The following SPAG1 variants were observed in gnomAD, a reference collection of about 807,000 sequenced individuals.
SPAG1 encodes sperm associated antigen 1.
SPAG1 carries 69 observed loss-of-function variants against 100.5 expected under a neutral mutation model. The observed-to-expected ratio is 0.69, with a 90% confidence interval of 0.57 to 0.84. The LOEUF (loss-of-function observed/expected upper bound fraction) is 0.84. SPAG1 is among the 40% of genes least tolerant of loss of function. SPAG1 has a pLI of 0.00. For synonymous variants in SPAG1, 336 were observed against 411.6 expected, an observed-to-expected ratio of 0.82 and a Z score of 2.22; for missense variants, 955 against 1,133.1, an observed-to-expected ratio of 0.84 and a Z score of 2.26.
At chr8:100,222,968 T>A (rs1818349875) in intron 13 of SPAG1, among the ~76,000 whole-genome samples, 1 of 152,236 alleles carries the variant, frequency 6.6e-6, no homozygotes, top group African/African-American at 2.4e-5. Flanking sequence ...ATCTGTGTTC[T>A]GTCTCTACGG....
At chr8:100,191,089 A>G (rs190619594) in intron 8 of SPAG1, among the ~76,000 whole-genome samples, 6 of 152,294 alleles carry the variant, frequency 3.9e-5, no homozygotes, top group African/African-American at 2.4e-5. Context: ...TTGCAATACA[A>G]TGTGTTGCCT....
chr8:100,240,864 G>GTTTTT, intron 18 of SPAG1, 27 bp from the exon 19 acceptor site: 3 of 1,388,400 alleles, frequency 2.2e-6, no homozygotes, highest in Non-Finnish European at 2.9e-6. Context: ...TTGGTTTTTT[G>GTTTTT]TTTTTTTTTT....
chr8:100,239,957 A>G lies in SPAG1; in HGVS notation c.2281-446A>G, dbSNP rs1819181111. Among the ~76,000 whole-genome samples, 1 of 152,230 alleles carries G rather than the reference A, an allele frequency of 6.6e-6. No homozygotes were observed. Among genetic ancestry groups the G allele is most frequent in the African/African-American group, 2.4e-5 (1 of 41,446 alleles). ...GAATCCCTGTACATTCATGAATGCT[A>G]ATACCCCATTTATAGTCTCACATTT... is the stretch of plus-strand genomic sequence containing the variant. On this transcript the variant is annotated intron_variant, in intron 17 of 18. Transcript: ENST00000388798. This position sits in a 1 kb window ranked among gnomAD's most constrained non-coding sequence, Gnocchi z 5.0.
intron 1 of SPAG1, among the ~76,000 whole-genome samples, chr8:100,160,650 G>A (rs1815266925): frequency 6.6e-6 from 1 of 151,606 alleles, no homozygotes; most frequent in African/African-American, 2.4e-5. Context: ...AAAAGGAGAG[G>A]TATGTACAGA....
intron 12 of SPAG1, among the ~76,000 whole-genome samples, chr8:100,216,760 C>G (rs973955790): frequency 6.6e-6 from 1 of 152,122 alleles, no homozygotes; most frequent in Admixed American, 6.6e-5. Context: ...GATTCTCAAT[C>G]TTGTTTTAAT....
chr8:100,194,311 T>C lies in SPAG1; in HGVS notation c.1096+43T>C, dbSNP rs1466202665. ...TTTAGGTTATGTAAAAAGCTGCCTT[T>C]TAATATGATGAGCTGGCTCAATTTT... On this transcript the variant is annotated intron_variant, in intron 10 of 18. Transcript: ENST00000388798. The C allele has an allele frequency of 1.9e-6, 3 of 1,583,900 alleles. No individual in the cohort carries two copies. The Admixed American group carries it at 5.3e-5, about 28-fold the overall frequency.
Position 100,213,356 on chromosome 8 carries a change from C to G in SPAG1, c.1363C>G (p.Leu455Val). Residue 455 changes from leucine to valine, a missense_variant, in exon 11 of 19, where the codon CTG becomes GTG. By Grantham distance (32) the Leu-to-Val change is conservative (BLOSUM62 1). Coordinates refer to ENST00000388798, the MANE Select transcript of SPAG1 (RefSeq NM_003114.5). ...PAGLKSQGNE[L>V]FRSGQFAEAA... is the part of the protein sequence containing the mutation. ...CGGCCTGAAGAGCCAGGGCAACGAG[C>G]TGTTCCGAAGCGGGCAGTTCGCCGA... 2.8e-6 allele frequency: 4 copies of G among 1,426,616 alleles called. No individual in the cohort carries two copies. In the East Asian group the frequency reaches 1.2e-4, roughly 43 times the overall value. The allele number at this position is 1,426,616 out of a possible 1,614,324, so 88.4% of individuals were successfully genotyped here.
At chr8:100,195,734 T>C (rs1170825931) in intron 10 of SPAG1, among the ~76,000 whole-genome samples, 3 of 152,208 alleles carry the variant, frequency 2.0e-5, no homozygotes, top group Non-Finnish European at 2.9e-5. Flanking sequence ...ACTATATTAC[T>C]TCCTATTATT....
At chr8:100,220,521 T>C in intron 13 of SPAG1, 90 bp downstream of exon 13, 1 of 1,055,474 alleles carries the variant, frequency 9.5e-7, no homozygotes, top group Non-Finnish European at 1.4e-6. Context: ...AATATAGATG[T>C]GTTATCAGTT....
At chr8:100,233,615 A>C in intron 16 of SPAG1, 78 bp downstream of exon 16, 1 of 1,395,716 alleles carries the variant, frequency 7.2e-7, no homozygotes, top group Non-Finnish European at 9.8e-7. Context: ...AAATCTCCAG[A>C]TCTTGGGATG....
chr8:100,212,826 G>A (rs1049453601), intron 10 of SPAG1, among the ~76,000 whole-genome samples: 1 of 152,212 alleles, frequency 6.6e-6, no homozygotes, highest in Non-Finnish European at 1.5e-5. Flanking sequence ...GCCCTTCAGC[G>A]CTTAAACAGT....
intron 10 of SPAG1, among the ~76,000 whole-genome samples, chr8:100,205,397 T>A (rs1469621984): frequency 1.3e-5 from 2 of 152,202 alleles, no homozygotes; most frequent in Non-Finnish European, 2.9e-5. Context: ...ATCATTGCGG[T>A]CCTCCAGGTA....
In SPAG1 at chr8:100,231,151, C is replaced by T; in HGVS notation, c.1856-5C>T. On this transcript the variant is annotated splice_region_variant and splice_polypyrimidine_tract_variant and intron_variant, in intron 14 of 18. Coordinates refer to ENST00000388798, the MANE Select transcript of SPAG1 (RefSeq NM_003114.5). ...CTTCCTCTTCTTTGTTTTTTTGTCC[C>T]ATAGATGAAAAAACATTTAAAGCCC... 1 of 1,592,234 alleles carries T rather than the reference C, an allele frequency of 6.3e-7. No homozygotes were observed. Among genetic ancestry groups the T allele is most frequent in the Non-Finnish European group, 8.5e-7 (1 of 1,170,940 alleles).
chr8:100,228,754 G>A (rs928987341), intron 14 of SPAG1, among the ~76,000 whole-genome samples: 25 of 151,852 alleles, frequency 1.6e-4, no homozygotes, highest in African/African-American at 6.1e-4. Flanking sequence ...TTATCTATCA[G>A]AAGATTTTAA....
chr8:100,192,446 G>A (rs773967037), intron 9 of SPAG1, among the ~76,000 whole-genome samples: 8 of 152,170 alleles, frequency 5.3e-5, no homozygotes, highest in Non-Finnish European at 4.4e-5. Context: ...TGCCCTCTCC[G>A]CTGCAGATGA....
At chr8:100,222,849 C>T (rs1450531223) in intron 13 of SPAG1, among the ~76,000 whole-genome samples, 1 of 152,176 alleles carries the variant, frequency 6.6e-6, no homozygotes, top group East Asian at 1.9e-4. Flanking sequence ...CTTGGGCAGT[C>T]ATCACTTCTT....
intron 8 of SPAG1, among the ~76,000 whole-genome samples, chr8:100,189,120 T>G (rs1381867497): frequency 6.7e-6 from 1 of 150,048 alleles, no homozygotes; most frequent in Non-Finnish European, 1.5e-5. Context: ...TCACCTGAGG[T>G]TAGGAGTTCG....
intron 8 of SPAG1, 45 bp downstream of exon 8, chr8:100,187,295 T>C (rs1000891716): frequency 2.7e-6 from 4 of 1,491,280 alleles, no homozygotes; most frequent in Admixed American, 4.0e-5. Context: ...GCAGGATCCA[T>C]TAATAAAGAC....
chr8:100,221,223 C>G (rs894812196), intron 13 of SPAG1, among the ~76,000 whole-genome samples: 1 of 152,186 alleles, frequency 6.6e-6, no homozygotes, highest in African/African-American at 2.4e-5. Flanking sequence ...AAACATATCT[C>G]TTGTTTCTCC....
Sources: allele counts gnomAD v4.1 joint callset (sites outside exome capture counted in the v4.1 genomes callset), GRCh38; gene constraint gnomAD v4.1.1; non-coding constraint Gnocchi (gnomAD v3.1); transcripts MANE v1.5; gene names NCBI Gene and HGNC (gene_info 2026-07-23, HGNC 2026-07-21).